GUCY1A2: variants seen among roughly 807,000 people sequenced by gnomAD.
GUCY1A2 encodes guanylate cyclase 1 soluble subunit alpha 2.
In GUCY1A2, 27 loss-of-function variants were observed where a neutral mutation model predicts 63.5. That is an observed-to-expected ratio of 0.43 (90% CI 0.31 to 0.59). The LOEUF is 0.59. Ranked by LOEUF, GUCY1A2 falls within the 20% of genes least tolerant of loss-of-function variation. GUCY1A2 has a pLI of 0.11. For missense variants in GUCY1A2, 768 were observed against 913.3 expected (o/e 0.84, Z 2.05); for synonymous variants, 364 against 343.5 (o/e 1.06, Z -0.66).
intron 3 of GUCY1A2, among the ~76,000 whole-genome samples, chr11:106,944,082 C>T (rs1315603790): frequency 6.6e-6 from 1 of 151,086 alleles, no homozygotes; most frequent in Non-Finnish European, 1.5e-5. Flanking sequence ...GTGGTACATG[C>T]CTGTAGTCCG....
chr11:106,700,325 AC>A (rs2135343005), intron 7 of GUCY1A2, among the ~76,000 whole-genome samples: 1 of 152,004 alleles, frequency 6.6e-6, no homozygotes, highest in South Asian at 2.1e-4. Flanking sequence ...AAATCCCCCT[AC>A]CCCCAAAAAA....
chr11:106,846,171 A>C (rs1859268327), intron 4 of GUCY1A2, among the ~76,000 whole-genome samples: 1 of 151,348 alleles, frequency 6.6e-6, no homozygotes, highest in Non-Finnish European at 1.5e-5. Context: ...ACAATCTATA[A>C]ATAAAATTGT....
intron 3 of GUCY1A2, among the ~76,000 whole-genome samples, chr11:106,964,351 T>C (rs1046727610): frequency 1.2e-4 from 19 of 152,216 alleles, no homozygotes; most frequent in African/African-American, 4.6e-4. Context: ...AATCCTTGGA[T>C]AGCTACCCCT....
intron 4 of GUCY1A2, among the ~76,000 whole-genome samples, chr11:106,924,697 C>T (rs1860497409): frequency 6.6e-6 from 1 of 152,138 alleles, no homozygotes; most frequent in Admixed American, 6.6e-5. Flanking sequence ...GGGCCTGCTA[C>T]TAAGCACTCA....
At chr11:106,830,214 T>C (rs1859031571) in intron 4 of GUCY1A2, among the ~76,000 whole-genome samples, 1 of 152,208 alleles carries the variant, frequency 6.6e-6, no homozygotes, top group Non-Finnish European at 1.5e-5. Context: ...TGATAGCACT[T>C]GGGTTGGGGA....
rs566199162 is a variant in GUCY1A2 at position 106,900,261 on chromosome 11, G to A, written c.1206+39199C>T. Reference sequence around the variant, plus strand: ...TACAGCGGCACTATATCTGCTCCCCGCAACCTCCACCTCCTGGGCTCCAGA... The same window carrying A: ...TACAGCGGCACTATATCTGCTCCCCACAACCTCCACCTCCTGGGCTCCAGA... On this transcript the variant is annotated intron_variant, in intron 4 of 7. Coordinates refer to ENST00000526355, the MANE Select transcript of GUCY1A2 (RefSeq NM_000855.3). Among the ~76,000 whole-genome samples the A allele has an allele frequency of 7.2e-5, 11 of 152,122 alleles. 1 individual carries two copies. In the South Asian group the frequency reaches 8.3e-4, roughly 11 times the overall value.
In GUCY1A2 at chr11:106,765,853, ATGAT is replaced by A. The variant is rs369094240; in HGVS notation, c.1836+10582_1836+10585del. On this transcript the variant is annotated intron_variant, in intron 6 of 7. Transcript: ENST00000526355. ...ATGAGGTTTTCTAAATTCATTTTTT[ATGAT>A]TGATTGGTTTAACCTCTGAACAAAC... Among the ~76,000 whole-genome samples, 857 of 152,268 alleles carry A rather than the reference ATGAT, an allele frequency of 5.6e-3. 6 individuals carry two copies. The highest frequency in any genetic ancestry group is 0.018 in the African/African-American group (745 of 41,572).
At chr11:106,770,169 C>T (rs1324312286) in intron 6 of GUCY1A2, among the ~76,000 whole-genome samples, 1 of 151,940 alleles carries the variant, frequency 6.6e-6, no homozygotes, top group African/African-American at 2.4e-5. Flanking sequence ...ACTTGCAGCC[C>T]TTATATTAAG....
chr11:106,819,024 C>T (rs1858867215), intron 4 of GUCY1A2, among the ~76,000 whole-genome samples: 1 of 152,060 alleles, frequency 6.6e-6, no homozygotes, highest in Non-Finnish European at 1.5e-5. Context: ...TTTCAACCCT[C>T]GGTGATGACT....
chr11:106,813,781 A>G (rs1254986744), intron 4 of GUCY1A2, among the ~76,000 whole-genome samples: 1 of 152,096 alleles, frequency 6.6e-6, no homozygotes. Flanking sequence ...AAAAGATGAT[A>G]ATGATGTTGA....
chr11:106,866,803 T>A (rs981252420), intron 4 of GUCY1A2, among the ~76,000 whole-genome samples: 10 of 152,044 alleles, frequency 6.6e-5, no homozygotes, highest in African/African-American at 2.4e-4. Flanking sequence ...ACAGAGAGAA[T>A]CTTTTCTGAA....
intron 6 of GUCY1A2, among the ~76,000 whole-genome samples, chr11:106,710,416 T>C (rs910049195): frequency 7.2e-6 from 1 of 139,264 alleles, no homozygotes; most frequent in Non-Finnish European, 1.5e-5. Flanking sequence ...TACATGTATA[T>C]AGTATATATA....
rs756396584 is a variant in GUCY1A2, at chr11:106,940,097, C to A, written c.569G>T (p.Arg190Leu). ...GTCCTGCAAAGTGCCACCTACAGCT[C>A]GAAGGACTCTCTCATTCTCATGAAA... ...ICFHENERVL[R>L]AVGGTLQDFF... Residue 190 changes from arginine to leucine, a missense_variant, in exon 4 of 8, where the codon CGA becomes CTA. Around this residue, in one of 3 missense-constraint regions of GUCY1A2, gnomAD observed 496 missense variants for 486.9 expected, o/e 1.02. Coordinates refer to ENST00000526355, the MANE Select transcript of GUCY1A2 (RefSeq NM_000855.3). 7 of 1,612,734 alleles carry A rather than the reference C, an allele frequency of 4.3e-6. No homozygotes were observed. In the African/African-American group the frequency reaches 8.0e-5, roughly 18 times the overall value.
At chr11:106,835,863 G>A (rs540160163) in intron 4 of GUCY1A2, among the ~76,000 whole-genome samples, 1 of 151,762 alleles carries the variant, frequency 6.6e-6, no homozygotes, top group African/African-American at 2.4e-5. Context: ...TTCTAAAAGT[G>A]CATTACTGAA....
At chr11:106,900,105 A>C (rs901086231) in intron 4 of GUCY1A2, among the ~76,000 whole-genome samples, 7 of 149,408 alleles carry the variant, frequency 4.7e-5, no homozygotes, top group African/African-American at 1.8e-4. Flanking sequence ...AAAAAAAAAC[A>C]ATCTATAATA....
chr11:106,929,636 T>A (rs1860575322), intron 4 of GUCY1A2, among the ~76,000 whole-genome samples: 1 of 152,180 alleles, frequency 6.6e-6, no homozygotes, highest in South Asian at 2.1e-4. Flanking sequence ...GTTCCCTTTA[T>A]GAATCTTCAG....
At chr11:106,736,416 C>A (rs764534567) in intron 6 of GUCY1A2, among the ~76,000 whole-genome samples, 1 of 152,028 alleles carries the variant, frequency 6.6e-6, no homozygotes, top group Admixed American at 6.6e-5. Context: ...GTTCTTGGCA[C>A]CCTTGGCAAA....
chr11:106,926,083 T>C (rs929232742), intron 4 of GUCY1A2, among the ~76,000 whole-genome samples: 1 of 152,130 alleles, frequency 6.6e-6, no homozygotes, highest in Non-Finnish European at 1.5e-5. Context: ...GAAATAATAC[T>C]TCAGTCCATT....
At chr11:106,798,981 T>C (rs1591282020) in intron 5 of GUCY1A2, among the ~76,000 whole-genome samples, 1 of 152,106 alleles carries the variant, frequency 6.6e-6, no homozygotes, top group African/African-American at 2.4e-5. Context: ...AATTGTCTGT[T>C]TGCAGATGAC....
Sources: gnomAD v4.1 joint callset for allele counts (sites outside exome capture counted in the v4.1 genomes callset) on GRCh38, gnomAD v4.1.1 for gene constraint, gnomAD v4.1.1 regional missense constraint, MANE v1.5 for transcripts, NCBI Gene and HGNC (gene_info 2026-07-23, HGNC 2026-07-21) for gene names.